Variants in WDR7 observed in about 807,000 individuals in gnomAD.
The protein encoded by WDR7 is WD repeat-containing protein 7.
WDR7 carries 46 observed loss-of-function variants against 169.4 expected under a neutral mutation model. That is an observed-to-expected ratio of 0.27 (90% CI 0.21 to 0.35). The LOEUF (loss-of-function observed/expected upper bound fraction) is 0.35. WDR7 is among the 10% of genes least tolerant of loss of function. WDR7 has a pLI of 1.00. For missense variants in WDR7, 1,534 were observed against 1,859.3 expected (o/e 0.83, Z 3.22); for synonymous variants, 612 against 666.8 (o/e 0.92, Z 1.27).
intron 2 of WDR7, among the ~76,000 whole-genome samples, chr18:56,672,896 T>C (rs1598950300): frequency 6.6e-6 from 1 of 152,292 alleles, no homozygotes; most frequent in Middle Eastern, 3.4e-3. Flanking sequence ...CCTAAGTGAC[T>C]TACTGTTTTG....
intron 19 of WDR7, among the ~76,000 whole-genome samples, chr18:56,793,451 A>G (rs2044527336): frequency 6.6e-6 from 1 of 152,254 alleles, no homozygotes; most frequent in Non-Finnish European, 1.5e-5. Flanking sequence ...TTCAAGGCAT[A>G]GTAAGCACAC....
intron 12 of WDR7, among the ~76,000 whole-genome samples, chr18:56,698,588 AGAGCAAGACT>A: frequency 1.3e-5 from 2 of 151,236 alleles, no homozygotes; most frequent in South Asian, 4.2e-4. Flanking sequence ...CCTGGGTGAC[AGAGCAAGACT>A]CTGTCTCAAA....
intron 1 of WDR7, among the ~76,000 whole-genome samples, chr18:56,657,121 C>G (rs1296414125): frequency 6.6e-6 from 1 of 150,590 alleles, no homozygotes; most frequent in Non-Finnish European, 1.5e-5. Context: ...CTGGGTTTAT[C>G]TGTTACATCT....
At chr18:56,779,361 C>T in intron 17 of WDR7, 70 bp from the exon 18 acceptor site, 4 of 1,232,862 alleles carry the variant, frequency 3.2e-6, no homozygotes, top group Non-Finnish European at 3.4e-6. Context: ...GGTATACTTA[C>T]ATAAAGAACT....
chr18:56,955,578 T>C (rs1268737506), intron 25 of WDR7, among the ~76,000 whole-genome samples: 1 of 152,214 alleles, frequency 6.6e-6, no homozygotes, highest in Non-Finnish European at 1.5e-5. Flanking sequence ...TAGTTGACAC[T>C]TATTTGCCCT....
intron 26 of WDR7, among the ~76,000 whole-genome samples, chr18:56,992,557 G>A (rs2047832991): frequency 6.6e-6 from 1 of 152,120 alleles, no homozygotes. Context: ...ACTCTGAAAA[G>A]GTCTATGTCT....
intron 26 of WDR7, among the ~76,000 whole-genome samples, chr18:57,007,850 A>G (rs1313479391): frequency 6.6e-6 from 1 of 151,942 alleles, no homozygotes; most frequent in Non-Finnish European, 1.5e-5. Flanking sequence ...TCTACTCTTC[A>G]TGGACTTTCT....
intron 13 of WDR7, among the ~76,000 whole-genome samples, chr18:56,719,083 T>A (rs150088587): frequency 2.2e-4 from 34 of 152,360 alleles, no homozygotes; most frequent in African/African-American, 7.7e-4. Flanking sequence ...TCAAACTTCC[T>A]TGCTTTTGCA....
chr18:56,894,670 A>G (rs1286911570), intron 21 of WDR7, among the ~76,000 whole-genome samples: 1 of 152,142 alleles, frequency 6.6e-6, no homozygotes, highest in Non-Finnish European at 1.5e-5. Flanking sequence ...TTATTCTACC[A>G]AGTCATGAAT....
chr18:56,668,728 A>G (rs1337604598), intron 1 of WDR7, among the ~76,000 whole-genome samples: 1 of 152,204 alleles, frequency 6.6e-6, no homozygotes, highest in Non-Finnish European at 1.5e-5. Context: ...TGCATTGCAC[A>G]ATTGCACAAT....
chr18:56,926,151 G>T (rs530371715), intron 22 of WDR7, among the ~76,000 whole-genome samples: 1 of 152,172 alleles, frequency 6.6e-6, no homozygotes, highest in Non-Finnish European at 1.5e-5. Context: ...GATACAGGAG[G>T]CCTGAAGATT....
At chr18:56,733,085 C>A (rs530666060) in intron 14 of WDR7, among the ~76,000 whole-genome samples, 1 of 152,070 alleles carries the variant, frequency 6.6e-6, no homozygotes, top group African/African-American at 2.4e-5. Flanking sequence ...GTTTTAATAG[C>A]GTATTTTATA....
intron 7 of WDR7, among the ~76,000 whole-genome samples, chr18:56,690,974 G>T (rs765243670): frequency 1.3e-5 from 2 of 151,852 alleles, no homozygotes; most frequent in African/African-American, 4.9e-5. Flanking sequence ...GAGCACCCTC[G>T]CTCCACTTGT....
chr18:56,844,793 C>G (rs530825675), intron 20 of WDR7, among the ~76,000 whole-genome samples: 14 of 152,218 alleles, frequency 9.2e-5, no homozygotes, highest in African/African-American at 3.4e-4. Context: ...TAAAATTGTC[C>G]TGCTAGTTAT....
At chr18:56,784,705 C>T (rs2044369214) in intron 19 of WDR7, among the ~76,000 whole-genome samples, 1 of 152,152 alleles carries the variant, frequency 6.6e-6, no homozygotes, top group Non-Finnish European at 1.5e-5. Context: ...AAGAAAATGA[C>T]TCTTTGATGG....
intron 25 of WDR7, among the ~76,000 whole-genome samples, chr18:56,953,126 A>G (rs2047205125): frequency 6.6e-6 from 1 of 152,132 alleles, no homozygotes; most frequent in Non-Finnish European, 1.5e-5. Flanking sequence ...ATAGTGGGGG[A>G]GGCTGTGTGT....
intron 20 of WDR7, among the ~76,000 whole-genome samples, chr18:56,843,798 G>T (rs2045523009): frequency 6.6e-6 from 1 of 150,852 alleles, no homozygotes; most frequent in African/African-American, 2.4e-5. Flanking sequence ...TACTAGCGGT[G>T]CATTATAGTC....
intron 20 of WDR7, among the ~76,000 whole-genome samples, chr18:56,864,044 G>T (rs967778481): frequency 2.0e-5 from 3 of 151,566 alleles, no homozygotes; most frequent in Non-Finnish European, 4.4e-5. Flanking sequence ...ATATAATATT[G>T]TGATACTACA....
At chr18:56,926,964 G>A (rs2046817011) in intron 22 of WDR7, among the ~76,000 whole-genome samples, 1 of 152,138 alleles carries the variant, frequency 6.6e-6, no homozygotes, top group African/African-American at 2.4e-5. Context: ...TTTTGTGCCT[G>A]ATTTACTGTG....
Sources: gnomAD v4.1 joint callset for allele counts (sites outside exome capture counted in the v4.1 genomes callset) on GRCh38, gnomAD v4.1.1 for gene constraint, MANE v1.5 for transcripts, NCBI Gene and HGNC (gene_info 2026-07-23, HGNC 2026-07-21) for gene names.